GDF1: variants seen among roughly 807,000 people sequenced by gnomAD.
GDF1 encodes the protein growth differentiation factor 1.
A neutral mutation model predicts 7.4 loss-of-function variants in GDF1; 8 were observed. The ratio of observed to expected loss-of-function variants is 1.09; its 90% CI spans 0.64 to 1.96. GDF1 has a LOEUF of 1.96. GDF1 is among the 30% of genes most tolerant of loss of function. The pLI is 0.00. For synonymous variants in GDF1, 311 were observed against 276.7 expected, an observed-to-expected ratio of 1.12 and a Z score of -1.23; for missense variants, 574 against 551.5, an observed-to-expected ratio of 1.04 and a Z score of -0.41.
intron 6 of GDF1, among the ~76,000 whole-genome samples, chr19:18,872,288 AG>A (rs1438544971): frequency 6.6e-6 from 1 of 152,164 alleles, no homozygotes; most frequent in Non-Finnish European, 1.5e-5. Context: ...TTGCCTTTTG[AG>A]GTGTGGGTGG....
intron 2 of GDF1, among the ~76,000 whole-genome samples, chr19:18,892,827 C>T (rs942321606): frequency 6.6e-6 from 1 of 152,164 alleles, no homozygotes; most frequent in Non-Finnish European, 1.5e-5. Context: ...CTTTCCTGTC[C>T]CCAGGGATCA....
At chr19:18,890,435 C>T (rs1216775554) in intron 2 of GDF1, among the ~76,000 whole-genome samples, 1 of 152,184 alleles carries the variant, frequency 6.6e-6, no homozygotes, top group Non-Finnish European at 1.5e-5. Context: ...AGTAGTCGCT[C>T]AATAAATAGA....
In GDF1 at chr19:18,877,756, C is replaced by CAAAA. The variant is rs386388683; in HGVS notation, c.-313+1170_-313+1173dup. Among the ~76,000 whole-genome samples, 13 of 103,934 alleles carry CAAAA rather than the reference C, an allele frequency of 1.3e-4. 1 individual carries two copies. Among genetic ancestry groups the CAAAA allele is most frequent in the African/African-American group, 2.0e-4 (5 of 25,364 alleles). The allele number at this position is 103,934 out of a possible 152,430, so 68.2% of individuals were successfully genotyped here. On this transcript the variant is annotated intron_variant, in intron 6 of 7. Transcript: ENST00000247005. ...TGGACGACAGAGTGAGACCCTGTCT[C>CAAAA]AAAAAAAAAAAAAAAAAAGAATTCT...
intron 6 of GDF1, among the ~76,000 whole-genome samples, chr19:18,871,911 G>T (rs567712163): frequency 6.6e-6 from 1 of 152,276 alleles, no homozygotes; most frequent in African/African-American, 2.4e-5. Context: ...TCCCCTTTTG[G>T]CTCTGGGATG....
At chr19:18,872,546 G>A (rs570023712) in intron 6 of GDF1, among the ~76,000 whole-genome samples, 11 of 145,186 alleles carry the variant, frequency 7.6e-5, no homozygotes, top group Non-Finnish European at 1.6e-4. Context: ...ACGAAGTCTC[G>A]CTCTTGTCCC....
Position 18,878,826 on chromosome 19 carries a change from C to T in GDF1, c.-313+104G>A, listed in dbSNP as rs1039891183. The stretch of plus-strand genomic sequence containing the variant: ...GAGTAGGCTTGGGGGGCAGCATCCG[C>T]GTCGGCCTCATCTGCTGCTGGGTCT... On this transcript the variant is annotated intron_variant, in intron 6 of 7. Transcript: ENST00000247005. The surrounding 1 kb of genome is among the most constrained non-coding windows in gnomAD (Gnocchi z 4.6). 1.7e-5 allele frequency: 26 copies of T among 1,513,822 alleles called. No individual in the cohort carries two copies. Among genetic ancestry groups the T allele is most frequent in the South Asian group, 1.1e-4 (9 of 80,094 alleles). 93.8% of individuals were successfully genotyped at this position (1,513,822 alleles called of 1,614,324 possible).
chr19:18,893,388 C>T (rs2056543493), intron 2 of GDF1, 28 bp downstream of exon 2: 4 of 1,583,208 alleles, frequency 2.5e-6, no homozygotes, highest in Non-Finnish European at 2.6e-6. Context: ...AAGCAGAGCC[C>T]TCCCGGCCAT....
rs2056610070 is a variant in GDF1 at position 18,895,764 on chromosome 19, C to G, written c.-1074+60G>C. 1 of 991,416 alleles carries G rather than the reference C, an allele frequency of 1.0e-6. No homozygotes were observed. Among genetic ancestry groups the G allele is most frequent in the Non-Finnish European group, 1.3e-6 (1 of 786,630 alleles). 61.4% of individuals were successfully genotyped at this position (991,416 alleles called of 1,614,324 possible). ...AAGGAACGCGCCGGCGGCCCCAGGT[C>G]CCCGGTCCCGGCTTCCCCCAGTCCG... On this transcript the variant is annotated intron_variant, in intron 1 of 7. Coordinates refer to ENST00000247005, the MANE Select transcript of GDF1 (RefSeq NM_001492.6). This position sits in a 1 kb window ranked among gnomAD's most constrained non-coding sequence, Gnocchi z 6.4.
chr19:18,886,583 CA>C (rs907843199), intron 2 of GDF1, among the ~76,000 whole-genome samples: 5 of 151,946 alleles, frequency 3.3e-5, no homozygotes, highest in African/African-American at 9.7e-5. Context: ...AAACAAACAA[CA>C]AAAAAAGGCG....
In GDF1 at chr19:18,895,028, C is replaced by G. The variant is rs1195115999; in HGVS notation, c.-1074+796G>C. Among the ~76,000 whole-genome samples, 3 of 152,206 alleles carry G rather than the reference C, an allele frequency of 2.0e-5. No individual in the cohort carries two copies. Among genetic ancestry groups the G allele is most frequent in the Non-Finnish European group, 4.4e-5 (3 of 68,032 alleles). ...CAGGCGCCAATGTCACCATCATGGT[C>G]ACTCTCTCGCAGGGGCGATGGTCTC... is the stretch of plus-strand genomic sequence containing the variant. On this transcript the variant is annotated intron_variant, in intron 1 of 7. Transcript: ENST00000247005. This position sits in a 1 kb window ranked among gnomAD's most constrained non-coding sequence, Gnocchi z 6.4.
chr19:18,894,875 C>T (rs942347095), intron 1 of GDF1, among the ~76,000 whole-genome samples: 1 of 152,200 alleles, frequency 6.6e-6, no homozygotes. Context: ...ATTGTCCCTG[C>T]ACCCTCCAGC....
intron 1 of GDF1, among the ~76,000 whole-genome samples, chr19:18,894,812 G>C (rs929901457): frequency 3.3e-5 from 5 of 152,140 alleles, no homozygotes; most frequent in Admixed American, 6.5e-5. Flanking sequence ...ACCTCACAAG[G>C]GCCAGCCTCT....
At chr19:18,869,514 T>G in intron 7 of GDF1, 124 bp from the exon 8 acceptor site, 1 of 1,229,670 alleles carries the variant, frequency 8.1e-7, no homozygotes, top group South Asian at 1.6e-5. Flanking sequence ...GGGAAGGGTG[T>G]GAAGCGGCGG....
rs771037471 is a variant in GDF1 at position 18,879,033 on chromosome 19, C to G, written c.-416G>C. 1.2e-6 allele frequency: 2 copies of G among 1,613,402 alleles called. No homozygotes were observed. The highest frequency in any genetic ancestry group is 1.7e-6 in the Non-Finnish European group (2 of 1,179,824). On this transcript the variant is annotated 5_prime_UTR_variant, in exon 6 of 8. Transcript: ENST00000247005. ...GTCAACACCTTGGCTGCAAACGCCA[C>G]GATGTACTGCGAGAGGGGAGGGGAG...
chr19:18,868,638 G>T lies in GDF1; in HGVS notation c.1078C>A (p.Gln360Lys), dbSNP rs751311265. The T allele has an allele frequency of 6.4e-7, 1 of 1,574,580 alleles. No individual in the cohort carries two copies. Among genetic ancestry groups the T allele is most frequent in the East Asian group, 2.3e-5 (1 of 42,890 alleles). ...FDNSDNVVLR[Q>K]YEDMVVDECG... ...TCGTCCACCACCATGTCCTCATACT[G>T]CCGCAGCACCACGTTGTCGCTGTTG... The change falls in exon 8 of 8, where the codon CAG becomes AAG. Residue 360 changes from glutamine (Q) to lysine (K), a missense_variant. Gln to Lys is a moderately conservative substitution (Grantham distance 53). Transcript: ENST00000247005.
In GDF1 at chr19:18,884,058, G is replaced by C. The variant is rs772442500; in HGVS notation, c.-733+29C>G. 3 of 1,599,060 alleles carry C rather than the reference G, an allele frequency of 1.9e-6. No individual in the cohort carries two copies. The Admixed American group carries it at 5.1e-5, about 27-fold the overall frequency. On this transcript the variant is annotated intron_variant, in intron 3 of 7. Transcript: ENST00000247005. ...CCGCACTCTGTGTGGGCTGTGCCTC[G>C]GCCCCCTGCCACCCGATCCTGTCCT...
chr19:18,893,254 G>T (rs1030314776), intron 2 of GDF1, among the ~76,000 whole-genome samples, 162 bp downstream of exon 2: 1 of 152,186 alleles, frequency 6.6e-6, no homozygotes, highest in East Asian at 1.9e-4. Context: ...TCACTCTGTC[G>T]TCCAGGCTGG....
Position 18,869,249 on chromosome 19 carries a change from G to C in GDF1, c.467C>G (p.Ala156Gly), listed in dbSNP as rs773574790. 2.0e-5 allele frequency: 28 copies of C among 1,434,980 alleles called. No individual in the cohort carries two copies. The African/African-American group carries it at 3.6e-4, about 19-fold the overall frequency. The allele number at this position is 1,434,980 out of a possible 1,614,324, so 88.9% of individuals were successfully genotyped here. ...CTCCCAGCCGCCCTCCGGGGCTGCC[G>C]CCGCCGCCGCCGCGAAACGCAGCTC... is the stretch of plus-strand genomic sequence containing the variant. ...RLELRFAAAA[A>G]AAPEGGWELS... Residue 156 changes from alanine to glycine, a missense_variant, in exon 8 of 8, where the codon GCG (alanine) becomes GGG (glycine). By Grantham distance (60) the Ala-to-Gly change is moderately conservative. Coordinates refer to ENST00000247005, the MANE Select transcript of GDF1 (RefSeq NM_001492.6).
At chr19:18,876,418 G>T (rs974063236) in intron 6 of GDF1, among the ~76,000 whole-genome samples, 2 of 150,410 alleles carry the variant, frequency 1.3e-5, no homozygotes, top group African/African-American at 4.9e-5. Context: ...GTGTGATCAC[G>T]GCTCACTGCA....
Sources: allele counts gnomAD v4.1 joint callset (sites outside exome capture counted in the v4.1 genomes callset), GRCh38; gene constraint gnomAD v4.1.1; non-coding constraint Gnocchi (gnomAD v3.1); transcripts MANE v1.5; gene names NCBI Gene and HGNC (gene_info 2026-07-23, HGNC 2026-07-21).